SGCZ: variants seen among roughly 807,000 people sequenced by gnomAD.
SGCZ encodes the protein zeta-sarcoglycan.
A neutral mutation model predicts 41.3 loss-of-function variants in SGCZ; 40 were observed. The observed-to-expected ratio is 0.97, with a 90% CI of 0.75 to 1.26. The LOEUF (loss-of-function observed/expected upper bound fraction) is 1.26, where lower values mean the gene tolerates loss of function less well. Among genes scored for constraint, SGCZ ranks in the 50% most tolerant of loss-of-function variants. The pLI is 0.00. For missense variants in SGCZ, 552 were observed against 369.8 expected (o/e 1.49, Z -4.04); for synonymous variants, 206 against 137.5 (o/e 1.50, Z -3.49).
chr8:15,224,260 C>T (rs139980754), intron 1 of SGCZ, among the ~76,000 whole-genome samples: 10 of 152,116 alleles, frequency 6.6e-5, no homozygotes, highest in Admixed American at 2.0e-4. Flanking sequence ...TCATAAAATA[C>T]CAACCTGGAT....
intron 1 of SGCZ, among the ~76,000 whole-genome samples, chr8:15,007,822 T>A (rs915293034): frequency 6.6e-6 from 1 of 152,214 alleles, no homozygotes. Flanking sequence ...GTTATTACCT[T>A]GAGGAGATAA....
chr8:14,495,940 CAGA>C (rs1296358702), intron 2 of SGCZ, among the ~76,000 whole-genome samples: 4 of 152,052 alleles, frequency 2.6e-5, no homozygotes, highest in Non-Finnish European at 5.9e-5. Flanking sequence ...CTTGAGTAGA[CAGA>C]AGAACAAGCC....
chr8:14,861,196 T>C (rs1219405140), intron 1 of SGCZ, among the ~76,000 whole-genome samples: 3 of 152,164 alleles, frequency 2.0e-5, no homozygotes, highest in African/African-American at 7.2e-5. Flanking sequence ...GAAACATAAA[T>C]GACCAAGAAA....
At chr8:14,818,188 A>T (rs1801964021) in intron 1 of SGCZ, among the ~76,000 whole-genome samples, 1 of 152,128 alleles carries the variant, frequency 6.6e-6, no homozygotes, top group South Asian at 2.1e-4. Context: ...AGCTCAGCTT[A>T]ACAGCCAGCC....
chr8:14,612,612 A>T (rs1805964879), intron 1 of SGCZ, among the ~76,000 whole-genome samples: 2 of 152,210 alleles, frequency 1.3e-5, no homozygotes. Context: ...AAGAATTCAG[A>T]TATTTTTATG....
intron 1 of SGCZ, among the ~76,000 whole-genome samples, chr8:15,215,817 A>G (rs1402752684): frequency 1.3e-5 from 2 of 152,202 alleles, no homozygotes; most frequent in Admixed American, 6.5e-5. Context: ...CTGACAAAAC[A>G]TATTTTTAAA....
chr8:15,144,804 G>A (rs1798993541), intron 1 of SGCZ, among the ~76,000 whole-genome samples: 1 of 152,158 alleles, frequency 6.6e-6, no homozygotes, highest in South Asian at 2.1e-4. Flanking sequence ...AGTTTGCAGG[G>A]AAAAGCAGCA....
intron 1 of SGCZ, among the ~76,000 whole-genome samples, chr8:14,889,266 C>A (rs1354900447): frequency 6.7e-6 from 1 of 149,732 alleles, no homozygotes; most frequent in East Asian, 2.0e-4. Context: ...TTTCTTCAAG[C>A]TTAGCTTTAT....
intron 3 of SGCZ, among the ~76,000 whole-genome samples, chr8:14,241,889 G>T (rs529064114): frequency 3.3e-4 from 50 of 152,114 alleles, no homozygotes; most frequent in Admixed American, 6.5e-4. Context: ...TTTCTGATAG[G>T]CTATGCATAT....
chr8:14,495,887 A>G (rs949468334), intron 2 of SGCZ, among the ~76,000 whole-genome samples: 9 of 152,182 alleles, frequency 5.9e-5, no homozygotes, highest in African/African-American at 2.2e-4. Context: ...ATCACAGGCC[A>G]GCAGCTGAGT....
chr8:14,773,302 C>T (rs1800305751), intron 1 of SGCZ, among the ~76,000 whole-genome samples: 2 of 152,086 alleles, frequency 1.3e-5, no homozygotes, highest in Admixed American at 1.3e-4. Flanking sequence ...TTCTTGGGCA[C>T]TAAATTCTTG....
At chr8:14,776,801 T>C (rs961521614) in intron 1 of SGCZ, among the ~76,000 whole-genome samples, 1 of 152,178 alleles carries the variant, frequency 6.6e-6, no homozygotes, top group South Asian at 2.1e-4. Context: ...CCCAGACTAA[T>C]ACACTTTTCA....
intron 2 of SGCZ, among the ~76,000 whole-genome samples, chr8:14,422,506 C>G (rs1207052531): frequency 1.3e-5 from 2 of 152,032 alleles, no homozygotes; most frequent in Non-Finnish European, 2.9e-5. Flanking sequence ...TGCCACAGAC[C>G]CCTCACACAC....
chr8:14,324,944 A>T (rs969385879), intron 2 of SGCZ, among the ~76,000 whole-genome samples: 12 of 152,198 alleles, frequency 7.9e-5, no homozygotes, highest in Non-Finnish European at 1.8e-4. Flanking sequence ...CAAAATAAAC[A>T]TTCTGGCAAC....
In SGCZ at chr8:15,034,769, C is replaced by T. The variant is rs1585495882; in HGVS notation, c.39+202816G>A. Among the ~76,000 whole-genome samples, 4 of 141,738 alleles carry T rather than the reference C, an allele frequency of 2.8e-5. No homozygotes were observed. The South Asian group carries it at 9.1e-4, about 32-fold the overall frequency. The allele number at this position is 141,738 out of a possible 152,430, so 93.0% of individuals were successfully genotyped here. A position where few individuals can be genotyped will look rare whatever the true frequency, so the allele number is the denominator to read the frequency against. ...TCAATAATGCAAGCACTGAACTTTCCAGCAGTAACTTTACAGACAAGAGAG... is the reference window on the plus strand; with the variant it reads ...TCAATAATGCAAGCACTGAACTTTCTAGCAGTAACTTTACAGACAAGAGAG... On this transcript the variant is annotated intron_variant, in intron 1 of 7. Coordinates refer to ENST00000382080, the MANE Select transcript of SGCZ (RefSeq NM_139167.4).
chr8:14,231,239 G>A (rs1385112532), intron 4 of SGCZ, among the ~76,000 whole-genome samples: 9 of 151,140 alleles, frequency 6.0e-5, no homozygotes, highest in Non-Finnish European at 1.2e-4. Flanking sequence ...GACAGAGAGA[G>A]AGAGAGAGAG....
At chr8:15,217,951 T>TATCA (rs1801469346) in intron 1 of SGCZ, among the ~76,000 whole-genome samples, 2 of 152,002 alleles carry the variant, frequency 1.3e-5, no homozygotes, top group Admixed American at 1.3e-4. Flanking sequence ...CCAAACGGGG[T>TATCA]GGCGTGTGCT....
intron 1 of SGCZ, among the ~76,000 whole-genome samples, chr8:15,063,332 T>C (rs1414720199): frequency 2.0e-5 from 3 of 152,194 alleles, no homozygotes; most frequent in South Asian, 4.1e-4. Context: ...TGATTACTTA[T>C]ATTGTTCTTC....
intron 2 of SGCZ, among the ~76,000 whole-genome samples, chr8:14,404,106 G>T (rs1247761630): frequency 1.3e-5 from 2 of 151,780 alleles, no homozygotes; most frequent in Non-Finnish European, 2.9e-5. Flanking sequence ...AGAGAAGGAG[G>T]GTGCCAGAGG....
Sources: allele counts gnomAD v4.1 joint callset (sites outside exome capture counted in the v4.1 genomes callset), GRCh38; gene constraint gnomAD v4.1.1; transcripts MANE v1.5; gene names NCBI Gene and HGNC (gene_info 2026-07-23, HGNC 2026-07-21).